The following EPS8L3 variants were observed in gnomAD, a reference collection of about 807,000 sequenced individuals.
EPS8L3 encodes the protein epidermal growth factor receptor kinase substrate 8-like protein 3.
In EPS8L3, 80 loss-of-function variants were observed where a neutral mutation model predicts 88.5. That is an observed-to-expected ratio of 0.90 (90% CI 0.75 to 1.09). The LOEUF (loss-of-function observed/expected upper bound fraction) is 1.09, where lower values mean the gene tolerates loss of function less well. Among genes scored for constraint, EPS8L3 ranks in the 50% least tolerant of loss-of-function variants. The pLI, the probability that EPS8L3 is intolerant of heterozygous loss-of-function variation, is 0.00. For missense variants in EPS8L3, 721 were observed against 735.2 expected (o/e 0.98, Z 0.22); for synonymous variants, 286 against 291.0 (o/e 0.98, Z 0.18).
At chr1:109,751,247 C>T (rs770589607) in intron 17 of EPS8L3, 31 bp downstream of exon 17, 1 of 1,604,232 alleles carries the variant, frequency 6.2e-7, no homozygotes, top group South Asian at 1.1e-5. Flanking sequence ...CAAAGTTTCT[C>T]CCTCCATATC....
chr1:109,754,801 T>A (rs1409830667), intron 12 of EPS8L3, among the ~76,000 whole-genome samples: 1 of 152,216 alleles, frequency 6.6e-6, no homozygotes, highest in Non-Finnish European at 1.5e-5. Context: ...CCAGAGCTAT[T>A]CCCACAGACA....
intron 3 of EPS8L3, chr1:109,761,278 C>T: frequency 1.8e-6 from 1 of 564,112 alleles, no homozygotes; most frequent in Non-Finnish European, 3.2e-6. Flanking sequence ...TCCAGCCAGG[C>T]CTGCTCTGTT....
At position 109,757,096 on chromosome 1, in the gene EPS8L3, T is replaced by C. The variant is rs763403529; in HGVS notation, c.1039A>G (p.Ile347Val). Residue 347 changes from isoleucine to valine, a missense_variant, in exon 12 of 19, where the codon ATC becomes GTC. Transcript: ENST00000361965. ...VISPLLTPKA[I>V]NLLQSCLSPP... is the part of the protein sequence containing the mutation. ...CTTAGACAGGACTGTAGCAGGTTGA[T>C]AGCTTTAGGGGTGAGGAGGGGTGAG... 6.2e-7 allele frequency: 1 copy of C among 1,614,098 alleles called. No homozygotes were observed. The highest frequency in any genetic ancestry group is 1.3e-5 in the African/African-American group (1 of 75,038).
At chr1:109,762,115 A>G (rs1329639037) in intron 1 of EPS8L3, among the ~76,000 whole-genome samples, 5 of 152,196 alleles carry the variant, frequency 3.3e-5, no homozygotes, top group African/African-American at 1.2e-4. Context: ...ACCTGCGTTC[A>G]GATCCTATCT....
At chr1:109,760,519 GC>G (rs1378388160) in intron 3 of EPS8L3, among the ~76,000 whole-genome samples, 2 of 151,908 alleles carry the variant, frequency 1.3e-5, no homozygotes, top group African/African-American at 4.8e-5. Flanking sequence ...CCTGCCCAGG[GC>G]CCAGCTCTTC....
intron 3 of EPS8L3, chr1:109,761,254 T>G (rs1031508636): frequency 1.0e-5 from 5 of 491,568 alleles, no homozygotes; most frequent in South Asian, 3.2e-5. Context: ...GACAGGACAC[T>G]CACCCGCTCA....
intron 17 of EPS8L3, 65 bp downstream of exon 17, chr1:109,751,213 T>C: frequency 7.0e-7 from 1 of 1,438,606 alleles, no homozygotes; most frequent in South Asian, 1.2e-5. Context: ...TCTGGGTCTC[T>C]GGGTTTCCTT....
In EPS8L3 at chr1:109,750,296, G is replaced by C; in HGVS notation, c.*95C>G. 1 of 1,489,746 alleles carries C rather than the reference G, an allele frequency of 6.7e-7. No homozygotes were observed. Among genetic ancestry groups the C allele is most frequent in the Non-Finnish European group, 9.3e-7 (1 of 1,080,692 alleles). The allele number at this position is 1,489,746 out of a possible 1,614,324, so 92.3% of individuals were successfully genotyped here. A position where few individuals can be genotyped will look rare whatever the true frequency, so the allele number is the denominator to read the frequency against. ...GGGGTGTGGGGTTTGCTGCAAACTGGGATCCAGAAGAGGAATTCTCGGGGC... is the reference window on the plus strand; with the variant it reads ...GGGGTGTGGGGTTTGCTGCAAACTGCGATCCAGAAGAGGAATTCTCGGGGC... On this transcript the variant is annotated 3_prime_UTR_variant, in exon 19 of 19. Transcript: ENST00000361965.
intron 12 of EPS8L3, among the ~76,000 whole-genome samples, chr1:109,756,396 A>G (rs1016076679): frequency 1.3e-5 from 2 of 152,062 alleles, no homozygotes; most frequent in African/African-American, 4.8e-5. Context: ...GCACCACTAC[A>G]CCCAGCTAAT....
intron 3 of EPS8L3, chr1:109,761,208 C>T (rs1650904594): frequency 2.6e-6 from 1 of 385,532 alleles, no homozygotes. Flanking sequence ...GTAGGTGCTT[C>T]TTATCCCATC....
Position 109,758,351 on chromosome 1 carries a change from G to T in EPS8L3, c.682C>A (p.Arg228=), listed in dbSNP as rs751313141. Residue 228 remains arginine, a synonymous_variant, in exon 8 of 19, where the codon CGG becomes AGG. Coordinates refer to ENST00000361965, the MANE Select transcript of EPS8L3 (RefSeq NM_133181.4). ...TCTGGGTCCTCGGGGGAAGAGGACC[G>T]CCTTGGAGGAGGCAGAGTAAAGGCA... is the stretch of plus-strand genomic sequence containing the variant. ...PSAFTLPPPR[R]SSSPEDPERD... The T allele has an allele frequency of 6.2e-7, 1 of 1,613,618 alleles. No individual in the cohort carries two copies. Among genetic ancestry groups the T allele is most frequent in the Non-Finnish European group, 8.5e-7 (1 of 1,179,862 alleles).
At chr1:109,751,201 G>A in intron 17 of EPS8L3, 77 bp downstream of exon 17, 1 of 1,319,418 alleles carries the variant, frequency 7.6e-7, no homozygotes, top group Non-Finnish European at 1.1e-6. Flanking sequence ...CAGGTTGTAT[G>A]TTCTGGGTCT....
intron 16 of EPS8L3, 108 bp from the exon 17 acceptor site, chr1:109,751,459 C>T: frequency 7.3e-7 from 1 of 1,379,112 alleles, no homozygotes; most frequent in Non-Finnish European, 1.0e-6. Context: ...ACTTCTCTTA[C>T]TCTGTGGCTT....
chr1:109,757,949 T>C lies in EPS8L3; in HGVS notation c.827A>G (p.Gln276Arg). ...KKKFGKKNKD[Q>R]GGLTQAQYID... ...CCCTGGCCCTCAGTACTCACCTCCC[T>C]GGTCCTTGTTTTTTTTCCCAAATTT... Residue 276 changes from glutamine to arginine, a missense_variant, in exon 9 of 19, where the codon CAG (glutamine) becomes CGG (arginine). Coordinates refer to ENST00000361965, the MANE Select transcript of EPS8L3 (RefSeq NM_133181.4). The C allele has an allele frequency of 6.2e-7, 1 of 1,614,158 alleles. No homozygotes were observed. Among genetic ancestry groups the C allele is most frequent in the Non-Finnish European group, 8.5e-7 (1 of 1,180,002 alleles).
intron 11 of EPS8L3, 66 bp downstream of exon 11, chr1:109,757,415 T>C (rs1184414186): frequency 6.7e-7 from 1 of 1,496,410 alleles, no homozygotes; most frequent in African/African-American, 1.4e-5. Context: ...CCAGCTCCTT[T>C]CCTCTCTCTA....
chr1:109,754,209 T>C (rs996394761), intron 12 of EPS8L3, among the ~76,000 whole-genome samples: 32 of 152,368 alleles, frequency 2.1e-4, no homozygotes, highest in African/African-American at 7.5e-4. Flanking sequence ...TCTCTGTTTC[T>C]TTCATTATTT....
chr1:109,751,422 G>T (rs1649782079), intron 16 of EPS8L3, 71 bp from the exon 17 acceptor site: 1 of 1,500,700 alleles, frequency 6.7e-7, no homozygotes. Flanking sequence ...TAACATCTGG[G>T]TCCCTTCTCC....
Position 109,752,418 on chromosome 1 carries a change from C to G in EPS8L3, c.1236-225G>C. The G allele has an allele frequency of 1.5e-5, 9 of 605,448 alleles. No homozygotes were observed. The South Asian group carries it at 1.9e-4, about 13-fold the overall frequency. 37.5% of individuals were successfully genotyped at this position (605,448 alleles called of 1,614,324 possible). ...ACATTTCCGGGAGTGGAATTTTCTACATCTGAGTTCTGCCCTAAGCACTTT... is the reference window on the plus strand; with the variant it reads ...ACATTTCCGGGAGTGGAATTTTCTAGATCTGAGTTCTGCCCTAAGCACTTT... On this transcript the variant is annotated intron_variant, in intron 14 of 18. Transcript: ENST00000361965.
intron 6 of EPS8L3, 127 bp downstream of exon 6, chr1:109,758,935 C>T (rs915226193): frequency 4.4e-5 from 46 of 1,043,686 alleles, no homozygotes; most frequent in East Asian, 1.8e-4. Flanking sequence ...TGTCCTGGCT[C>T]CTCCTCAGTC....
Sources: gnomAD v4.1 joint callset for allele counts (sites outside exome capture counted in the v4.1 genomes callset) on GRCh38, gnomAD v4.1.1 for gene constraint, MANE v1.5 for transcripts, NCBI Gene and HGNC (gene_info 2026-07-23, HGNC 2026-07-21) for gene names.